RIN2: variants seen among roughly 807,000 people sequenced by gnomAD.
The protein encoded by RIN2 is Ras and Rab interactor 2.
RIN2 carries 36 observed loss-of-function variants against 78.0 expected under a neutral mutation model. The observed-to-expected ratio is 0.46, with a 90% CI of 0.35 to 0.61. RIN2 has a LOEUF of 0.61. Ranked by LOEUF, RIN2 falls within the 20% of genes least tolerant of loss-of-function variation. RIN2 has a pLI of 0.00. For missense variants in RIN2, 1,087 were observed against 1,159.7 expected, an observed-to-expected ratio of 0.94 and a Z score of 0.91; for synonymous variants, 466 against 466.8, an observed-to-expected ratio of 1.00 and a Z score of 0.02.
At chr20:19,873,260 G>T (rs2037746854) in intron 2 of RIN2, among the ~76,000 whole-genome samples, 3 of 152,036 alleles carry the variant, frequency 2.0e-5, no homozygotes, top group Admixed American at 6.5e-5. Flanking sequence ...AAGTAGCTGG[G>T]ACTACAGGCA....
intron 4 of RIN2, among the ~76,000 whole-genome samples, chr20:19,937,032 G>T (rs1021222322): frequency 6.6e-6 from 1 of 152,242 alleles, no homozygotes; most frequent in Non-Finnish European, 1.5e-5. Flanking sequence ...AGGAGGGAAA[G>T]CTCTTTAGGG....
intron 3 of RIN2, among the ~76,000 whole-genome samples, chr20:19,910,465 G>T (rs906739678): frequency 1.3e-5 from 2 of 151,428 alleles, no homozygotes; most frequent in African/African-American, 4.9e-5. Flanking sequence ...AAGCCACCAT[G>T]CTTGGCCTTC....
rs2039555921 is a variant in RIN2 at position 19,913,380 on chromosome 20, T to C, written c.58-21719T>C. 2.0e-5 allele frequency among the ~76,000 whole-genome samples: 3 copies of C among 152,322 alleles called. No individual in the cohort carries two copies. The South Asian group carries it at 6.2e-4, about 32-fold the overall frequency. On this transcript the variant is annotated intron_variant, in intron 3 of 12. Transcript: ENST00000255006. ...CCAGGCTGTTCTCAAACTCCTAGGC[T>C]CAAGCCATCTTCCTGCCTTGACTTC... is the stretch of plus-strand genomic sequence containing the variant.
intron 3 of RIN2, among the ~76,000 whole-genome samples, chr20:19,902,635 G>A (rs537702494): frequency 9.2e-5 from 14 of 152,208 alleles, no homozygotes; most frequent in Middle Eastern, 3.4e-3. Context: ...CTCATTACAG[G>A]GTTTCTGCTT....
At chr20:19,989,442 T>A (rs975831981) in intron 9 of RIN2, among the ~76,000 whole-genome samples, 1 of 151,834 alleles carries the variant, frequency 6.6e-6, no homozygotes, top group African/African-American at 2.4e-5. Context: ...CCCAGCTAAT[T>A]TTTTTGTATT....
intron 2 of RIN2, among the ~76,000 whole-genome samples, chr20:19,811,838 C>G (rs551438436): frequency 6.7e-6 from 1 of 149,760 alleles, no homozygotes; most frequent in South Asian, 2.1e-4. Context: ...TTAGAATATG[C>G]TCCCATTTTA....
At chr20:19,969,714 G>C (rs1373188094) in intron 7 of RIN2, among the ~76,000 whole-genome samples, 2 of 152,080 alleles carry the variant, frequency 1.3e-5, no homozygotes, top group Non-Finnish European at 2.9e-5. Context: ...AACATCTGTG[G>C]AACAAATGAA....
At position 20,000,629 on chromosome 20, in the gene RIN2, C is replaced by A; in HGVS notation, c.2381C>A (p.Ala794Glu). ...CACCTGCAGAATTACCTCCGAGTTG[C>A]ATTTCAGGAGGTCAACAGTGGTTGC... is the stretch of plus-strand genomic sequence containing the variant. ...VDDFQNYLRV[A>E]FQEVNSGCTG... The change falls in exon 13 of 13, where the codon GCA (alanine) becomes GAA (glutamate). Residue 794 changes from alanine to glutamate, a missense_variant. Physicochemically the swap from Ala to Glu is moderately radical, Grantham distance 107. Around this residue, in one of 8 missense-constraint regions of RIN2, gnomAD observed 160 missense variants for 179.4 expected, o/e 0.89. Transcript: ENST00000255006. The A allele has an allele frequency of 6.3e-7, 1 of 1,597,268 alleles. No individual in the cohort carries two copies. The highest frequency in any genetic ancestry group is 1.1e-5 in the South Asian group (1 of 90,182).
chr20:19,963,884 G>A (rs1309786683), intron 6 of RIN2, among the ~76,000 whole-genome samples: 9 of 101,622 alleles, frequency 8.9e-5, no homozygotes, highest in African/African-American at 3.6e-4. Context: ...TTTTTTTTGA[G>A]ACAGAGTCTT....
intron 3 of RIN2, among the ~76,000 whole-genome samples, chr20:19,907,938 G>A (rs2039288607): frequency 6.6e-6 from 1 of 152,122 alleles, no homozygotes; most frequent in Non-Finnish European, 1.5e-5. Context: ...GTGCTAAGAC[G>A]ATGGAGGATT....
At chr20:19,925,118 G>A (rs1475449223) in intron 3 of RIN2, among the ~76,000 whole-genome samples, 1 of 148,076 alleles carries the variant, frequency 6.8e-6, no homozygotes, top group Non-Finnish European at 1.5e-5. Flanking sequence ...AAAAAAAGCT[G>A]TCCTCTGGGC....
chr20:19,805,380 A>G (rs928106137), intron 2 of RIN2, among the ~76,000 whole-genome samples: 2 of 152,162 alleles, frequency 1.3e-5, no homozygotes, highest in African/African-American at 4.8e-5. Context: ...AGAAGTTAGG[A>G]TATTCCTGAA....
chr20:19,887,697 CAGAA>C (rs1432073698), intron 2 of RIN2, among the ~76,000 whole-genome samples: 1 of 152,152 alleles, frequency 6.6e-6, no homozygotes, highest in East Asian at 1.9e-4. Context: ...CCTGGCTCAT[CAGAA>C]AGAGTTTGTA....
At chr20:19,888,352 C>T (rs182203630) in intron 2 of RIN2, among the ~76,000 whole-genome samples, 31 of 152,344 alleles carry the variant, frequency 2.0e-4, no homozygotes, top group African/African-American at 6.7e-4. Flanking sequence ...TCCTTGCTCA[C>T]TCACTGATAT....
At chr20:19,830,651 G>A (rs2036224726) in intron 2 of RIN2, among the ~76,000 whole-genome samples, 1 of 152,224 alleles carries the variant, frequency 6.6e-6, no homozygotes, top group Non-Finnish European at 1.5e-5. Flanking sequence ...ATGATGTGTT[G>A]CTAAAATGAA....
intron 10 of RIN2, among the ~76,000 whole-genome samples, chr20:19,990,915 A>C (rs2146390225): frequency 6.6e-6 from 1 of 152,324 alleles, no homozygotes; most frequent in Non-Finnish European, 1.5e-5. Context: ...AAGCAATATA[A>C]TTGAAATTCA....
intron 2 of RIN2, among the ~76,000 whole-genome samples, chr20:19,885,432 G>A (rs1445542827): frequency 2.6e-5 from 4 of 152,114 alleles, no homozygotes; most frequent in African/African-American, 2.4e-5. Context: ...TTGGGAGGCC[G>A]AGGCAGGTGG....
chr20:19,960,980 G>T (rs2041727568), intron 6 of RIN2, among the ~76,000 whole-genome samples, 169 bp downstream of exon 6: 1 of 152,200 alleles, frequency 6.6e-6, no homozygotes, highest in African/African-American at 2.4e-5. Context: ...TCTCATCTGT[G>T]TAATGGGATG....
chr20:19,790,422 C>G (rs562858850), intron 1 of RIN2, among the ~76,000 whole-genome samples: 1 of 152,236 alleles, frequency 6.6e-6, no homozygotes, highest in South Asian at 2.1e-4. Flanking sequence ...ACTTTTTATC[C>G]TGATACAGAA....
Sources: gnomAD v4.1 joint callset for allele counts (sites outside exome capture counted in the v4.1 genomes callset) on GRCh38, gnomAD v4.1.1 for gene constraint, gnomAD v4.1.1 regional missense constraint, MANE v1.5 for transcripts, NCBI Gene and HGNC (gene_info 2026-07-23, HGNC 2026-07-21) for gene names.